The following EAPP variants were observed in gnomAD, a reference collection of about 807,000 sequenced individuals.
EAPP encodes E2F-associated phosphoprotein.
EAPP carries 38 observed loss-of-function variants against 34.3 expected under a neutral mutation model. The ratio of observed to expected loss-of-function variants is 1.11; its 90% CI spans 0.85 to 1.45. The LOEUF (loss-of-function observed/expected upper bound fraction) is 1.45, where lower values mean the gene tolerates loss of function less well. Among genes scored for constraint, EAPP ranks in the 40% most tolerant of loss-of-function variants. The pLI, the probability that EAPP is intolerant of heterozygous loss-of-function variation, is 0.00. For missense variants in EAPP, 338 were observed against 343.7 expected, an observed-to-expected ratio of 0.98 and a Z score of 0.13; for synonymous variants, 113 against 117.6, an observed-to-expected ratio of 0.96 and a Z score of 0.25.
At chr14:34,530,944 A>C (rs933593984) in intron 3 of EAPP, among the ~76,000 whole-genome samples, 63 of 143,784 alleles carry the variant, frequency 4.4e-4, no homozygotes, top group African/African-American at 1.5e-3. Flanking sequence ...AGAAAGGAAG[A>C]GGAAAAAAAC....
chr14:34,532,087 A>AAAAGAAAG (rs758007888), intron 3 of EAPP, among the ~76,000 whole-genome samples: 3 of 151,644 alleles, frequency 2.0e-5, no homozygotes, highest in Non-Finnish European at 4.4e-5. Flanking sequence ...AAAAAAAAAA[A>AAAAGAAAG]AAAGAAAGAA....
chr14:34,518,082 C>G (rs1469879985), intron 5 of EAPP, among the ~76,000 whole-genome samples: 2 of 151,768 alleles, frequency 1.3e-5, no homozygotes, highest in African/African-American at 4.8e-5. Context: ...CTCTTTCCTT[C>G]TATTAATGTT....
At position 34,524,849 on chromosome 14, in the gene EAPP, C is replaced by T. The variant is rs140671777; in HGVS notation, c.471-42G>A. Reference sequence around the variant, plus strand: ...AAGTGGGGAGAAAAACATATTAAAACCAGATCTTGGTTTCTAGTGTCATTT... The same window carrying T: ...AAGTGGGGAGAAAAACATATTAAAATCAGATCTTGGTTTCTAGTGTCATTT... On this transcript the variant is annotated intron_variant, in intron 4 of 5. Transcript: ENST00000250454. 2.4e-4 allele frequency: 369 copies of T among 1,508,288 alleles called. 1 individual carries two copies. In the African/African-American group the frequency reaches 4.4e-3, roughly 18 times the overall value. The allele number at this position is 1,508,288 out of a possible 1,614,324, so 93.4% of individuals were successfully genotyped here.
intron 5 of EAPP, among the ~76,000 whole-genome samples, chr14:34,518,482 C>T (rs1173164984): frequency 6.6e-6 from 1 of 151,708 alleles, no homozygotes; most frequent in Non-Finnish European, 1.5e-5. Context: ...TACAGGCACC[C>T]GCCATCATGC....
intron 1 of EAPP, among the ~76,000 whole-genome samples, chr14:34,539,017 T>G (rs1880567120): frequency 6.6e-6 from 1 of 152,168 alleles, no homozygotes; most frequent in African/African-American, 2.4e-5. Context: ...ACCTTATGAT[T>G]TATCTCTGTA....
chr14:34,517,005 T>C (rs1338873472), intron 5 of EAPP, among the ~76,000 whole-genome samples: 1 of 150,628 alleles, frequency 6.6e-6, no homozygotes, highest in Non-Finnish European at 1.5e-5. Context: ...TGGCGCGATC[T>C]CGGCTCACTG....
At chr14:34,529,559 T>C (rs950877299) in intron 3 of EAPP, 84 bp from the exon 4 acceptor site, 52 of 1,022,604 alleles carry the variant, frequency 5.1e-5, no homozygotes, top group Non-Finnish European at 7.5e-5. Flanking sequence ...TTTCCCAAGC[T>C]ACACATTTAT....
chr14:34,522,297 A>T (rs1162364946), intron 5 of EAPP, among the ~76,000 whole-genome samples: 2 of 152,066 alleles, frequency 1.3e-5, no homozygotes, highest in Admixed American at 1.3e-4. Flanking sequence ...AATTTATCTG[A>T]TAAATTTCTG....
At chr14:34,533,103 C>T (rs913047657) in intron 3 of EAPP, among the ~76,000 whole-genome samples, 6 of 152,168 alleles carry the variant, frequency 3.9e-5, no homozygotes, top group African/African-American at 1.4e-4. Flanking sequence ...GGTGCAATCT[C>T]AGCTCACTGC....
At chr14:34,526,509 A>G (rs1203511165) in intron 4 of EAPP, among the ~76,000 whole-genome samples, 1 of 151,900 alleles carries the variant, frequency 6.6e-6, no homozygotes, top group Non-Finnish European at 1.5e-5. Flanking sequence ...AGATCACTTG[A>G]GCCTAGGAGT....
chr14:34,522,365 C>T (rs1015747902), intron 5 of EAPP, among the ~76,000 whole-genome samples: 3 of 152,050 alleles, frequency 2.0e-5, no homozygotes, highest in African/African-American at 7.2e-5. Context: ...ATTTTGAATT[C>T]TTGGTCAGAG....
At chr14:34,535,506 C>T (rs1880441398) in intron 2 of EAPP, among the ~76,000 whole-genome samples, 1 of 147,726 alleles carries the variant, frequency 6.8e-6, no homozygotes, top group Non-Finnish European at 1.5e-5. Flanking sequence ...GATCTCAGCT[C>T]ACTGCAAGCT....
rs567998744 is a variant in EAPP at position 34,517,119 on chromosome 14, T to C, written c.582-533A>G. Among the ~76,000 whole-genome samples the C allele has an allele frequency of 1.6e-4, 24 of 151,386 alleles. No individual in the cohort carries two copies. The South Asian group carries it at 4.8e-3, about 30-fold the overall frequency. ...TGCCTGGCTAATTTTTTTGTATTTT[T>C]AGTAGAGATGGGGTTTCATTGTGTT... On this transcript the variant is annotated intron_variant, in intron 5 of 5. Coordinates refer to ENST00000250454, the MANE Select transcript of EAPP (RefSeq NM_018453.4).
At chr14:34,533,581 T>C in intron 2 of EAPP, 42 bp from the exon 3 acceptor site, 2 of 1,375,376 alleles carry the variant, frequency 1.5e-6, no homozygotes, top group Non-Finnish European at 2.0e-6. Context: ...AAATCATACA[T>C]AATTCACAAG....
chr14:34,531,077 G>T (rs2138899882), intron 3 of EAPP, among the ~76,000 whole-genome samples: 1 of 152,090 alleles, frequency 6.6e-6, no homozygotes, highest in African/African-American at 2.4e-5. Context: ...GGCCAAAGTG[G>T]GCAGACAACC....
chr14:34,517,612 G>A (rs1879781399), intron 5 of EAPP, among the ~76,000 whole-genome samples: 3 of 151,598 alleles, frequency 2.0e-5, no homozygotes, highest in African/African-American at 7.3e-5. Context: ...ATTTATTTGG[G>A]CCTTCTCTCT....
chr14:34,528,728 T>G (rs1372505261), intron 4 of EAPP, among the ~76,000 whole-genome samples: 1 of 150,638 alleles, frequency 6.6e-6, no homozygotes, highest in African/African-American at 2.4e-5. Context: ...CCCATCCACA[T>G]AAACTCTTAA....
intron 4 of EAPP, 125 bp downstream of exon 4, chr14:34,529,229 TCTAA>T (rs1404902212): frequency 3.6e-5 from 24 of 673,402 alleles, no homozygotes; most frequent in East Asian, 1.9e-4. Context: ...AGTTTTTTCC[TCTAA>T]CTTTTTTGTT....
chr14:34,533,569 C>T, intron 2 of EAPP, 30 bp from the exon 3 acceptor site: 3 of 1,440,504 alleles, frequency 2.1e-6, no homozygotes, highest in Non-Finnish European at 2.8e-6. Context: ...AGTTTACAGA[C>T]TAAATCATAC....
Sources: allele counts gnomAD v4.1 joint callset (sites outside exome capture counted in the v4.1 genomes callset), GRCh38; gene constraint gnomAD v4.1.1; transcripts MANE v1.5; gene names NCBI Gene and HGNC (gene_info 2026-07-23, HGNC 2026-07-21).